The following NUDCD3 variants were observed in gnomAD, a reference collection of about 807,000 sequenced individuals.
NUDCD3 encodes the protein nudC domain-containing protein 3.
Under a neutral mutation model 39.7 loss-of-function variants are expected in NUDCD3, and 13 were observed. The ratio of observed to expected loss-of-function variants is 0.33; its 90% CI spans 0.21 to 0.52. The LOEUF is 0.52. NUDCD3 is among the 20% of genes least tolerant of loss of function. The pLI, the probability that NUDCD3 is intolerant of heterozygous loss-of-function variation, is 0.96. For synonymous variants in NUDCD3, 175 were observed against 172.4 expected (o/e 1.02, Z -0.12); for missense variants, 453 against 458.1 (o/e 0.99, Z 0.10).
chr7:44,425,626 G>A (rs931401120), intron 3 of NUDCD3, among the ~76,000 whole-genome samples: 1 of 152,172 alleles, frequency 6.6e-6, no homozygotes, highest in Non-Finnish European at 1.5e-5. Context: ...CTACTCAGAA[G>A]GCTGAAGTGG....
chr7:44,420,068 T>C (rs1799108628), intron 3 of NUDCD3, among the ~76,000 whole-genome samples: 1 of 152,222 alleles, frequency 6.6e-6, no homozygotes, highest in South Asian at 2.1e-4. Context: ...AAGGAGTATG[T>C]TCTAACCCAA....
intron 2 of NUDCD3, among the ~76,000 whole-genome samples, chr7:44,464,904 A>G (rs943008936): frequency 2.6e-5 from 4 of 152,188 alleles, no homozygotes; most frequent in Non-Finnish European, 4.4e-5. Context: ...TCCTTATTCT[A>G]AATTCCCTCC....
At chr7:44,430,018 C>A (rs899025739) in intron 2 of NUDCD3, among the ~76,000 whole-genome samples, 2 of 152,144 alleles carry the variant, frequency 1.3e-5, no homozygotes, top group African/African-American at 4.8e-5. Context: ...ATATAATATA[C>A]ACACAAGTGT....
intron 3 of NUDCD3, among the ~76,000 whole-genome samples, chr7:44,410,079 G>A (rs992073718): frequency 6.6e-6 from 1 of 151,866 alleles, no homozygotes; most frequent in African/African-American, 2.4e-5. Context: ...ATACAGAAGA[G>A]AAAAGAAGAA....
intron 2 of NUDCD3, among the ~76,000 whole-genome samples, chr7:44,440,140 C>A (rs538945985): frequency 2.0e-5 from 3 of 152,304 alleles, no homozygotes; most frequent in African/African-American, 7.2e-5. Flanking sequence ...ATTGGAGGAA[C>A]CTGGCCAACC....
intron 2 of NUDCD3, among the ~76,000 whole-genome samples, chr7:44,435,909 G>A (rs148721819): frequency 3.3e-5 from 5 of 152,218 alleles, no homozygotes. Context: ...ACGAGGGGCA[G>A]AGAAGCATGG....
intron 3 of NUDCD3, 125 bp from the exon 4 acceptor site, chr7:44,404,708 C>G: frequency 1.1e-6 from 1 of 925,794 alleles, no homozygotes; most frequent in Non-Finnish European, 1.6e-6. Context: ...TCAGGCTCAC[C>G]AGGCATCTCA....
Position 44,490,482 on chromosome 7 carries a change from A to G in NUDCD3, c.119T>C (p.Phe40Ser). Residue 40 changes from phenylalanine (F) to serine (S), a missense_variant, in exon 1 of 6, where the codon TTC (phenylalanine) becomes TCC (serine). Physicochemically the swap from Phe to Ser is radical, Grantham distance 155. Coordinates refer to ENST00000355451, the MANE Select transcript of NUDCD3 (RefSeq NM_015332.4). ...CGATGGGTGGCGCAGCAAGCGATAGAAGTCTGTCTTGCGGTAGAGGAAGCC... is the reference window on the plus strand; with the variant it reads ...CGATGGGTGGCGCAGCAAGCGATAGGAGTCTGTCTTGCGGTAGAGGAAGCC... The part of the protein sequence containing the change: ...LFGFLYRKTD[F>S]YRLLRHPSDR... 1 of 1,607,300 alleles carries G rather than the reference A, an allele frequency of 6.2e-7. No homozygotes were observed. Among genetic ancestry groups the G allele is most frequent in the Non-Finnish European group, 8.5e-7 (1 of 1,177,518 alleles).
At chr7:44,453,384 T>TAAATAAATA (rs200485427) in intron 2 of NUDCD3, among the ~76,000 whole-genome samples, 7 of 151,322 alleles carry the variant, frequency 4.6e-5, no homozygotes, top group African/African-American at 1.7e-4. Context: ...AATAAATAAA[T>TAAATAAATA]AATAATAAAT....
intron 2 of NUDCD3, among the ~76,000 whole-genome samples, chr7:44,428,758 TGTAAGTTTAGACTCACAAGTCC>T (rs1241288623): frequency 6.6e-6 from 1 of 152,366 alleles, no homozygotes; most frequent in African/African-American, 2.4e-5. Flanking sequence ...ATAAACATTA[TGTAAGTTTAGACTCACAAGTCC>T]ATTATAGTGA....
At chr7:44,440,496 G>GAAAAAAAAAAAAAA (rs72065068) in intron 2 of NUDCD3, among the ~76,000 whole-genome samples, 2 of 48,410 alleles carry the variant, frequency 4.1e-5, no homozygotes, top group Non-Finnish European at 4.0e-5. Flanking sequence ...CAGAAAAATT[G>GAAAAAAAAAAAAAA]AAAAAAAAAA....
chr7:44,387,135 A>G (rs1585046618), intron 5 of NUDCD3, among the ~76,000 whole-genome samples: 1 of 152,058 alleles, frequency 6.6e-6, no homozygotes, highest in African/African-American at 2.4e-5. Flanking sequence ...ATAAAACATA[A>G]TCTTCCTAAC....
At chr7:44,414,101 C>A (rs1032836688) in intron 3 of NUDCD3, among the ~76,000 whole-genome samples, 6 of 151,812 alleles carry the variant, frequency 4.0e-5, no homozygotes. Context: ...AACTACACTT[C>A]ATGGAATTTT....
chr7:44,461,672 T>C lies in NUDCD3; in HGVS notation c.509+23296A>G, dbSNP rs989082356. Among the ~76,000 whole-genome samples the C allele has an allele frequency of 3.3e-4, 50 of 152,146 alleles. 1 individual carries two copies. Among genetic ancestry groups the C allele is most frequent in the African/African-American group, 1.2e-3 (49 of 41,420 alleles). The stretch of plus-strand genomic sequence containing the variant: ...AGAAAGGAGTCTTTCACCAGCCATG[T>C]GACATGCAGAATGGCCACACCTCAG... On this transcript the variant is annotated intron_variant, in intron 2 of 5. Transcript: ENST00000355451.
chr7:44,440,496 GA>G (rs72065068), intron 2 of NUDCD3, among the ~76,000 whole-genome samples: 4,877 of 48,416 alleles, frequency 0.1, 109 homozygotes, highest in African/African-American at 0.18. Flanking sequence ...CAGAAAAATT[GA>G]AAAAAAAAAA....
chr7:44,484,696 T>C (rs990584079), intron 2 of NUDCD3: 7 of 375,534 alleles, frequency 1.9e-5, no homozygotes, highest in Non-Finnish European at 3.4e-5. Flanking sequence ...GTTAGGTCTT[T>C]GTGAGAGGAG....
In NUDCD3 at chr7:44,379,952, CT is replaced by C. The variant is rs1798279877; in HGVS notation, c.*6058del. 2 of 152,482 alleles carry C rather than the reference CT, an allele frequency of 1.3e-5. No homozygotes were observed. 9.4% of individuals were successfully genotyped at this position (152,482 alleles called of 1,614,324 possible). On this transcript the variant is annotated 3_prime_UTR_variant, in exon 6 of 6. Coordinates refer to ENST00000355451, the MANE Select transcript of NUDCD3 (RefSeq NM_015332.4). ...GCAGAGGTGTGAAGGTGATTCCTCT[CT>C]GAGCTGGAGGTGGAAGCAAATGGGA... is the stretch of plus-strand genomic sequence containing the variant.
At chr7:44,467,006 T>G (rs1800131059) in intron 2 of NUDCD3, among the ~76,000 whole-genome samples, 1 of 152,172 alleles carries the variant, frequency 6.6e-6, no homozygotes, top group South Asian at 2.1e-4. Context: ...GGCTCAGCTA[T>G]CAGCAGTGAA....
intron 2 of NUDCD3, among the ~76,000 whole-genome samples, chr7:44,466,135 C>T (rs1014544866): frequency 6.6e-6 from 1 of 152,102 alleles, no homozygotes; most frequent in Non-Finnish European, 1.5e-5. Context: ...CTCACAATGG[C>T]CCCTAGAAGC....
Sources: gnomAD v4.1 joint callset for allele counts (sites outside exome capture counted in the v4.1 genomes callset) on GRCh38, gnomAD v4.1.1 for gene constraint, MANE v1.5 for transcripts, NCBI Gene and HGNC (gene_info 2026-07-23, HGNC 2026-07-21) for gene names.